CHRNB4: variants seen among roughly 807,000 people sequenced by gnomAD.
CHRNB4 encodes the protein cholinergic receptor nicotinic beta 4 subunit, also known as neuronal acetylcholine receptor subunit beta-4.
Under a neutral mutation model 40.4 loss-of-function variants are expected in CHRNB4, and 23 were observed. That is an observed-to-expected ratio of 0.57 (90% CI 0.41 to 0.81). The LOEUF is 0.81. CHRNB4 is among the 30% of genes least tolerant of loss of function. The probability of loss-of-function intolerance (pLI) is 0.00; values close to 1 mark genes in which losing one functional copy is unlikely to be tolerated. For synonymous variants in CHRNB4, 285 were observed against 274.4 expected, an observed-to-expected ratio of 1.04 and a Z score of -0.38; for missense variants, 568 against 670.6, an observed-to-expected ratio of 0.85 and a Z score of 1.69.
At position 78,631,276 on chromosome 15, in the gene CHRNB4, C is replaced by T; in HGVS notation, c.249+12G>A. On this transcript the variant is annotated intron_variant, in intron 3 of 5. Coordinates refer to ENST00000261751, the MANE Select transcript of CHRNB4 (RefSeq NM_000750.5). ...AAGATCTCTGGGGCTCAGGGCCCTT[C>T]AGGGCACTTACCTGTTTCAGCCAGA... 1 of 1,614,124 alleles carries T rather than the reference C, an allele frequency of 6.2e-7. No individual in the cohort carries two copies. Among genetic ancestry groups the T allele is most frequent in the Non-Finnish European group, 8.5e-7 (1 of 1,179,988 alleles).
intron 1 of CHRNB4, among the ~76,000 whole-genome samples, chr15:78,659,230 A>C (rs769428750): frequency 6.1e-4 from 93 of 152,252 alleles, no homozygotes; most frequent in Non-Finnish European, 5.7e-4. Context: ...GGAGTTTGAG[A>C]CCAGCCTGGG....
chr15:78,624,349 T>C lies in CHRNB4; in HGVS notation c.*784A>G, dbSNP rs949347889. On this transcript the variant is annotated 3_prime_UTR_variant, in exon 6 of 6. Coordinates refer to ENST00000261751, the MANE Select transcript of CHRNB4 (RefSeq NM_000750.5). Reference sequence around the variant, plus strand: ...GGCTGCTTTAGAATGATTGGGTGGTTAGGGAAGGCCTCTCAGAGGAGGTGA... The same window carrying C: ...GGCTGCTTTAGAATGATTGGGTGGTCAGGGAAGGCCTCTCAGAGGAGGTGA... 1 of 152,190 alleles carries C rather than the reference T, an allele frequency of 6.6e-6. No homozygotes were observed. The highest frequency in any genetic ancestry group is 1.5e-5 in the Non-Finnish European group (1 of 68,418). The allele number at this position is 152,190 out of a possible 1,614,324, so 9.4% of individuals were successfully genotyped here.
upstream of CHRNB4, among the ~76,000 whole-genome samples, chr15:78,642,136 C>G (rs2054084633): frequency 6.6e-6 from 1 of 152,102 alleles, no homozygotes; most frequent in African/African-American, 2.4e-5. Flanking sequence ...CCAGGACTCT[C>G]AGTCTTGCTT....
At chr15:78,632,360 G>A (rs965003635) in intron 2 of CHRNB4, among the ~76,000 whole-genome samples, 1 of 151,508 alleles carries the variant, frequency 6.6e-6, no homozygotes, top group African/African-American at 2.4e-5. Flanking sequence ...CAGGCTGGAG[G>A]GCAGTGGTGT....
intron 5 of CHRNB4, among the ~76,000 whole-genome samples, chr15:78,654,320 T>C (rs189226945): frequency 7.9e-4 from 121 of 152,346 alleles, no homozygotes; most frequent in Non-Finnish European, 1.5e-3. Flanking sequence ...TTTCCTTCTG[T>C]TTCCTTTGTT....
In CHRNB4 at chr15:78,625,535, C is replaced by T. The variant is rs566487087; in HGVS notation, c.1339-244G>A. ...GTTGGAGGGGCACTGGGAACTTGGG[C>T]TGTACAGAAAAGCTAGGAATGTGAG... On this transcript the variant is annotated intron_variant, in intron 5 of 5. Transcript: ENST00000261751. 5.3e-5 allele frequency among the ~76,000 whole-genome samples: 8 copies of T among 152,302 alleles called. No individual in the cohort carries two copies. The South Asian group carries it at 1.7e-3, about 32-fold the overall frequency.
intron 3 of CHRNB4, among the ~76,000 whole-genome samples, chr15:78,657,079 C>T (rs1292828997): frequency 6.6e-6 from 1 of 151,594 alleles, no homozygotes; most frequent in African/African-American, 2.4e-5. Flanking sequence ...GGCTGGAGTG[C>T]AGTGGTACAA....
At chr15:78,653,454 T>A (rs1361706929) in intron 5 of CHRNB4, among the ~76,000 whole-genome samples, 1 of 152,194 alleles carries the variant, frequency 6.6e-6, no homozygotes, top group Non-Finnish European at 1.5e-5. Flanking sequence ...TATTTGATTC[T>A]CCATAGCTTG....
chr15:78,648,268 C>A (rs569756821), intron 7 of CHRNB4, among the ~76,000 whole-genome samples: 7 of 151,660 alleles, frequency 4.6e-5, no homozygotes, highest in African/African-American at 1.7e-4. Flanking sequence ...TGGCAGGCAC[C>A]TGTAGTCCCA....
chr15:78,654,920 G>T (rs576503608), intron 5 of CHRNB4, among the ~76,000 whole-genome samples: 2 of 152,086 alleles, frequency 1.3e-5, no homozygotes, highest in African/African-American at 4.8e-5. Context: ...AAATGGTATA[G>T]ATTTATTTCA....
At chr15:78,642,008 C>T (rs1386185440), upstream of CHRNB4, among the ~76,000 whole-genome samples, 21 of 152,194 alleles carry the variant, frequency 1.4e-4, no homozygotes, top group Admixed American at 1.4e-3. Context: ...CAGTCCGGTC[C>T]TCATACCTGC....
chr15:78,632,843 G>A (rs1389168363), intron 2 of CHRNB4, among the ~76,000 whole-genome samples: 1 of 151,806 alleles, frequency 6.6e-6, no homozygotes, highest in Non-Finnish European at 1.5e-5. Flanking sequence ...CCTCCTAACT[G>A]GCCTATGTTC....
chr15:78,646,641 G>C (rs1050369481), intron 7 of CHRNB4, among the ~76,000 whole-genome samples: 2 of 152,176 alleles, frequency 1.3e-5, no homozygotes, highest in African/African-American at 4.8e-5. Flanking sequence ...ATGGCAGAGA[G>C]CAAGACAGAC....
chr15:78,642,554 A>G (rs1456157401), upstream of CHRNB4, among the ~76,000 whole-genome samples: 2 of 152,098 alleles, frequency 1.3e-5, no homozygotes. Flanking sequence ...TGGGAGCGGG[A>G]GGCCTGCTGC....
chr15:78,634,776 A>G (rs1567123981), intron 2 of CHRNB4: 5 of 455,946 alleles, frequency 1.1e-5, no homozygotes, highest in Non-Finnish European at 1.3e-5. Flanking sequence ...ACAATAGGCC[A>G]TGGTTCCCTC....
chr15:78,629,717 A>G lies in CHRNB4; in HGVS notation c.588T>C (p.Thr196=), dbSNP rs754678123. 1 of 1,614,058 alleles carries G rather than the reference A, an allele frequency of 6.2e-7. No individual in the cohort carries two copies. Among genetic ancestry groups the G allele is most frequent in the Non-Finnish European group, 8.5e-7 (1 of 1,180,028 alleles). The change falls in exon 5 of 6, where the codon ACT becomes ACC. Residue 196 remains threonine, a synonymous_variant. Transcript: ENST00000261751. This position sits in a 1 kb window ranked among gnomAD's most constrained non-coding sequence, Gnocchi z 6.8. ...CCACTATGTCCCACTCACCACTGGGAGTAAAGTCATCCATGCTGGCTGTGG... is the reference window on the plus strand; with the variant it reads ...CCACTATGTCCCACTCACCACTGGGGGTAAAGTCATCCATGCTGGCTGTGG... The part of the protein sequence containing the change: ...MTPTASMDDF[T]PSGEWDIVAL...
At chr15:78,625,410 C>G in intron 5 of CHRNB4, 119 bp from the exon 6 acceptor site, 2 of 942,008 alleles carry the variant, frequency 2.1e-6, no homozygotes, top group Non-Finnish European at 3.0e-6. Flanking sequence ...GAACTGCATA[C>G]TAGGGGGGCA....
Position 78,641,095 on chromosome 15 carries a change from G to A in CHRNB4, c.39C>T (p.Val13=), listed in dbSNP as rs758294491. 4.4e-6 allele frequency: 7 copies of A among 1,582,092 alleles called. No individual in the cohort carries two copies. The highest frequency in any genetic ancestry group is 2.7e-5 in the African/African-American group (2 of 74,030). Residue 13 remains valine (V), a synonymous_variant, in exon 1 of 6, where the codon GTC becomes GTT. Coordinates refer to ENST00000261751, the MANE Select transcript of CHRNB4 (RefSeq NM_000750.5). The part of the protein sequence containing the change: ...RAPSLVLFFL[V]ALCGRGNCRV... ...AGAACTCACCGCGCCCGCAAAGGGCGACCAGGAAGAAAAGGACCAGGGAAG... is the reference window on the plus strand; with the variant it reads ...AGAACTCACCGCGCCCGCAAAGGGCAACCAGGAAGAAAAGGACCAGGGAAG...
intron 2 of CHRNB4, among the ~76,000 whole-genome samples, chr15:78,633,946 G>A (rs2053891407): frequency 6.6e-6 from 1 of 151,908 alleles, no homozygotes; most frequent in South Asian, 2.1e-4. Context: ...TGGGGATGCT[G>A]GCGAGGGAGT....
Sources: gnomAD v4.1 joint callset for allele counts (sites outside exome capture counted in the v4.1 genomes callset) on GRCh38, gnomAD v4.1.1 for gene constraint, Gnocchi (gnomAD v3.1) non-coding constraint, MANE v1.5 for transcripts, NCBI Gene and HGNC (gene_info 2026-07-23, HGNC 2026-07-21) for gene names.